HELB: variants seen among roughly 807,000 people sequenced by gnomAD.
The protein encoded by HELB is DNA helicase B, also known as DNA 5'-3' helicase B.
In HELB, 96 loss-of-function variants were observed where a neutral mutation model predicts 101.7. That is an observed-to-expected ratio of 0.94 (90% CI 0.80 to 1.12). HELB has a LOEUF of 1.12. HELB is among the 50% of genes most tolerant of loss of function. The probability of loss-of-function intolerance (pLI) is 0.00; values close to 1 mark genes in which losing one functional copy is unlikely to be tolerated. For missense variants in HELB, 1,210 were observed against 1,291.9 expected (o/e 0.94, Z 0.97); for synonymous variants, 437 against 459.7 (o/e 0.95, Z 0.63).
At chr12:66,324,581 T>C (rs1162811405) in intron 10 of HELB, 4 of 252,260 alleles carry the variant, frequency 1.6e-5, no homozygotes, top group Non-Finnish European at 3.1e-5. Context: ...TGCTTAAATG[T>C]AGAAACTATA....
chr12:66,336,999 G>A (rs1006476958), intron 12 of HELB, among the ~76,000 whole-genome samples: 3 of 152,130 alleles, frequency 2.0e-5, no homozygotes, highest in African/African-American at 7.2e-5. Flanking sequence ...CTAACATTAG[G>A]TAGTAGCAAT....
chr12:66,308,935 A>T (rs1409608652), intron 3 of HELB, among the ~76,000 whole-genome samples: 1 of 152,204 alleles, frequency 6.6e-6, no homozygotes, highest in African/African-American at 2.4e-5. Context: ...GTCTCCATTA[A>T]GAAAAAATGG....
chr12:66,305,277 G>T, intron 2 of HELB, 127 bp downstream of exon 2: 1 of 642,908 alleles, frequency 1.6e-6, no homozygotes, highest in Non-Finnish European at 2.6e-6. Context: ...TGTTTATGTT[G>T]CTTTTGGAGT....
At chr12:66,341,596 C>T (rs114988869), downstream of HELB, 181 of 152,304 alleles carry the variant, frequency 1.2e-3, no homozygotes, top group African/African-American at 4.1e-3. Context: ...AAATTTTCCT[C>T]CCATTCTGTG....
chr12:66,330,763 T>C (rs1166255659), intron 11 of HELB, among the ~76,000 whole-genome samples: 1 of 150,196 alleles, frequency 6.7e-6, no homozygotes, highest in Non-Finnish European at 1.5e-5. Context: ...AATATATCTA[T>C]ATGTTTACCT....
chr12:66,328,810 A>T (rs957402614), intron 11 of HELB, among the ~76,000 whole-genome samples: 4 of 151,928 alleles, frequency 2.6e-5, no homozygotes, highest in Non-Finnish European at 4.4e-5. Flanking sequence ...TAAAATGATG[A>T]TATTTTGGAT....
intron 2 of HELB, among the ~76,000 whole-genome samples, chr12:66,306,084 AGTAG>A (rs2053471952): frequency 6.6e-6 from 1 of 152,218 alleles, no homozygotes; most frequent in African/African-American, 2.4e-5. Flanking sequence ...TAGTGCAGGC[AGTAG>A]GAAACAAAAG....
intron 10 of HELB, 21 bp from the exon 11 acceptor site, chr12:66,324,962 A>T (rs1201514804): frequency 6.2e-7 from 1 of 1,611,674 alleles, no homozygotes; most frequent in South Asian, 1.1e-5. Context: ...TATGCAAAAT[A>T]GTTCTTTGGT....
Position 66,331,136 on chromosome 12 carries a change from C to G in HELB, c.2671-18C>G, listed in dbSNP as rs775391669. ...TATTTTATAGCATTTAGTCTTCACA[C>G]CATATTTTTCCTGCCAGGGGTCCGA... is the stretch of plus-strand genomic sequence containing the variant. On this transcript the variant is annotated intron_variant, in intron 11 of 12. Coordinates refer to ENST00000247815, the MANE Select transcript of HELB (RefSeq NM_001370285.1). The G allele has an allele frequency of 1.3e-6, 2 of 1,581,934 alleles. No individual in the cohort carries two copies. The highest frequency in any genetic ancestry group is 1.7e-6 in the Non-Finnish European group (2 of 1,163,290).
chr12:66,331,226 G>C lies in HELB; in HGVS notation c.2743G>C (p.Ala915Pro). ...GRQHWQHVYT[A>P]VTRGRCRVYV... ...CCAGCACTGGCAGCATGTCTACACC[G>C]CCGTGACCAGGGGCCGCTGCCGAGT... The change falls in exon 12 of 13, where the codon GCC (alanine) becomes CCC (proline). Residue 915 changes from alanine (A) to proline (P), a missense_variant. Transcript: ENST00000247815. The C allele has an allele frequency of 6.2e-7, 1 of 1,614,190 alleles. No homozygotes were observed. The highest frequency in any genetic ancestry group is 8.5e-7 in the Non-Finnish European group (1 of 1,180,000).
intron 12 of HELB, among the ~76,000 whole-genome samples, chr12:66,332,041 A>G (rs2053816102): frequency 6.6e-6 from 1 of 152,206 alleles, no homozygotes; most frequent in Admixed American, 6.5e-5. Context: ...CATGGTGGAG[A>G]CAGTCGGCTA....
chr12:66,315,490 G>A (rs1435263955), intron 6 of HELB, 107 bp downstream of exon 6: 5 of 745,864 alleles, frequency 6.7e-6, no homozygotes, highest in Admixed American at 3.6e-5. Flanking sequence ...ACACCTTTTA[G>A]CAAAACTCTT....
At chr12:66,320,172 A>G (rs949087311) in intron 7 of HELB, among the ~76,000 whole-genome samples, 2 of 152,064 alleles carry the variant, frequency 1.3e-5, no homozygotes, top group African/African-American at 2.4e-5. Flanking sequence ...GTGGGGGCCA[A>G]TGATTTGAGA....
chr12:66,337,013 G>A (rs1277116698), intron 12 of HELB, among the ~76,000 whole-genome samples: 1 of 152,158 alleles, frequency 6.6e-6, no homozygotes, highest in Non-Finnish European at 1.5e-5. Flanking sequence ...TAGCAATGGG[G>A]TTGGAGAAGA....
At position 66,313,949 on chromosome 12, in the gene HELB, A is replaced by T. The variant is rs145568027; in HGVS notation, c.1681-37A>T. The T allele has an allele frequency of 6.7e-5, 108 of 1,600,010 alleles. 1 individual carries two copies. In the East Asian group the frequency reaches 2.4e-3, roughly 36 times the overall value. On this transcript the variant is annotated intron_variant, in intron 4 of 12. Transcript: ENST00000247815. ...ATTAATTTTTGGTTTTGTAGATTTTATAACCTGACTTTAGGAATGCCATAC... is the reference window on the plus strand; with the variant it reads ...ATTAATTTTTGGTTTTGTAGATTTTTTAACCTGACTTTAGGAATGCCATAC...
chr12:66,334,471 G>GAAAAAAAAAAAAA (rs34530283), intron 12 of HELB, among the ~76,000 whole-genome samples: 1 of 109,510 alleles, frequency 9.1e-6, no homozygotes, highest in African/African-American at 3.5e-5. Context: ...CAAAAAAAAA[G>GAAAAAAAAAAAAA]AAAAAAAAAA....
intron 9 of HELB, among the ~76,000 whole-genome samples, chr12:66,323,298 G>T (rs2053695459): frequency 6.6e-6 from 1 of 152,002 alleles, no homozygotes; most frequent in Admixed American, 6.6e-5. Context: ...GTGCCTGTCT[G>T]CTGAGGGAAG....
At chr12:66,338,768 G>A (rs2053894261), downstream of HELB, 1 of 152,264 alleles carries the variant, frequency 6.6e-6, no homozygotes, top group African/African-American at 2.4e-5. Flanking sequence ...CCAATGGGTT[G>A]AAGCAGTGGC....
Position 66,302,638 on chromosome 12 carries a change from A to T in HELB, c.35A>T (p.Gln12Leu). The change falls in exon 1 of 13, where the codon CAG (glutamine) becomes CTG (leucine). Residue 12 changes from glutamine (Q) to leucine (L), a missense_variant. Physicochemically the swap from Gln to Leu is moderately radical, Grantham distance 113. This residue lies in a region of HELB where 470 missense variants were observed against 563.1 expected (regional missense o/e 0.83). Transcript: ENST00000247815. Reference protein sequence around the residue: ...ARSSPYLRQLQGPLLPPRDLV... With the variant: ...ARSSPYLRQLLGPLLPPRDLV... Reference sequence around the variant, plus strand: ...TCGAGTCCGTACCTGCGCCAACTTCAGGGACCTCTGCTCCCACCCAGGGAT... The same window carrying T: ...TCGAGTCCGTACCTGCGCCAACTTCTGGGACCTCTGCTCCCACCCAGGGAT... 6.2e-7 allele frequency: 1 copy of T among 1,614,106 alleles called. No individual in the cohort carries two copies. The highest frequency in any genetic ancestry group is 1.1e-5 in the South Asian group (1 of 91,088).
Sources: gnomAD v4.1 joint callset for allele counts (sites outside exome capture counted in the v4.1 genomes callset) on GRCh38, gnomAD v4.1.1 for gene constraint, gnomAD v4.1.1 regional missense constraint, MANE v1.5 for transcripts, NCBI Gene and HGNC (gene_info 2026-07-23, HGNC 2026-07-21) for gene names.